The following KLHL4 variants were observed in gnomAD, a reference collection of about 807,000 sequenced individuals.
KLHL4 encodes kelch-like protein 4.
In KLHL4, 17 loss-of-function variants were observed where a neutral mutation model predicts 45.8. The observed-to-expected ratio is 0.37, with a 90% CI of 0.25 to 0.56. The LOEUF (loss-of-function observed/expected upper bound fraction) is 0.56, where lower values mean the gene tolerates loss of function less well. Ranked by LOEUF, KLHL4 falls within the 20% of genes least tolerant of loss-of-function variation. The pLI, the probability that KLHL4 is intolerant of heterozygous loss-of-function variation, is 0.79. For synonymous variants in KLHL4, 224 were observed against 189.9 expected (o/e 1.18, Z -1.47); for missense variants, 544 against 544.9 (o/e 1.00, Z 0.02).
chrX:87,625,901 G>A, intron 6 of KLHL4, 105 bp downstream of exon 6: 1 of 605,256 alleles, frequency 1.7e-6, no homozygotes, highest in Non-Finnish European at 2.5e-6. Flanking sequence ...CACCTAAAGT[G>A]AATTTTCATA....
intron 1 of KLHL4, among the ~76,000 whole-genome samples, chrX:87,593,658 T>A (rs1435370366): frequency 3.6e-5 from 4 of 111,293 alleles, no homozygotes. Flanking sequence ...TTTTGACACA[T>A]AATTTAATGT....
At chrX:87,541,189 T>C (rs775156151) in intron 1 of KLHL4, among the ~76,000 whole-genome samples, 5 of 109,509 alleles carry the variant, frequency 4.6e-5, no homozygotes, top group African/African-American at 1.7e-4. Context: ...TCTGATGGTT[T>C]AAAAGTGGCA....
At chrX:87,610,836 G>A (rs951938698) in intron 1 of KLHL4, among the ~76,000 whole-genome samples, 2 of 111,568 alleles carry the variant, frequency 1.8e-5, no homozygotes, top group Non-Finnish European at 3.8e-5. Flanking sequence ...CACTTTGGGA[G>A]GTTGAGGCTA....
intron 4 of KLHL4, among the ~76,000 whole-genome samples, chrX:87,621,492 TTA>T (rs1922747044): frequency 1.1e-5 from 1 of 94,506 alleles, no homozygotes; most frequent in African/African-American, 4.3e-5. Context: ...AAATTTATTA[TTA>T]TTTTTTTTGA....
intron 1 of KLHL4, among the ~76,000 whole-genome samples, chrX:87,560,491 A>AT (rs1260300222): frequency 7.2e-5 from 8 of 111,747 alleles, no homozygotes; most frequent in Non-Finnish European, 3.8e-5. Flanking sequence ...CTTTTAAGAA[A>AT]TTTTTAAGTG....
intron 10 of KLHL4, 133 bp downstream of exon 10, chrX:87,665,068 G>T: frequency 2.3e-6 from 1 of 426,603 alleles, no homozygotes; most frequent in Middle Eastern, 6.4e-4. Flanking sequence ...TATAGTATGT[G>T]CTCTATCTAT....
At chrX:87,574,551 C>A (rs1003542441) in intron 1 of KLHL4, among the ~76,000 whole-genome samples, 10 of 111,596 alleles carry the variant, frequency 9.0e-5, no homozygotes, top group African/African-American at 3.3e-4. Context: ...ATAGAATTCA[C>A]CTATTTAAAG....
At chrX:87,610,389 C>A (rs913569151) in intron 1 of KLHL4, among the ~76,000 whole-genome samples, 3 of 111,689 alleles carry the variant, frequency 2.7e-5, no homozygotes, top group Non-Finnish European at 5.6e-5. Context: ...AAAGTTAGGA[C>A]ACACACACAC....
At chrX:87,534,933 G>A (rs751338707) in intron 1 of KLHL4, among the ~76,000 whole-genome samples, 5 of 111,639 alleles carry the variant, frequency 4.5e-5, no homozygotes, top group South Asian at 3.7e-4. Context: ...AGCACTTGTC[G>A]GATCTTAATA....
intron 1 of KLHL4, among the ~76,000 whole-genome samples, chrX:87,565,967 T>TG (rs1456675950): frequency 7.3e-5 from 8 of 108,886 alleles, no homozygotes; most frequent in Non-Finnish European, 1.1e-4. Context: ...TGTTGAGGGG[T>TG]GGGGGGCGAG....
At chrX:87,611,152 T>G (rs1192879274) in intron 1 of KLHL4, among the ~76,000 whole-genome samples, 2 of 112,037 alleles carry the variant, frequency 1.8e-5, no homozygotes, top group East Asian at 5.6e-4. Flanking sequence ...AAACTGTTAA[T>G]GAATCTGAAA....
intron 1 of KLHL4, among the ~76,000 whole-genome samples, chrX:87,579,902 G>A (rs1477659802): frequency 1.8e-5 from 2 of 111,957 alleles, no homozygotes; most frequent in Non-Finnish European, 3.8e-5. Flanking sequence ...AAACTCATTG[G>A]TAAAGGTAAA....
intron 1 of KLHL4, among the ~76,000 whole-genome samples, chrX:87,551,958 A>G (rs1245450257): frequency 8.9e-6 from 1 of 111,992 alleles, no homozygotes; most frequent in African/African-American, 3.2e-5. Context: ...CTAGAAGTTA[A>G]CATAGGAAGA....
At chrX:87,564,280 A>C (rs1027352057) in intron 1 of KLHL4, among the ~76,000 whole-genome samples, 2 of 111,219 alleles carry the variant, frequency 1.8e-5, no homozygotes, top group African/African-American at 6.5e-5. Flanking sequence ...TAGAAATGAA[A>C]CAAGTTAAAA....
At chrX:87,633,645 T>C in intron 7 of KLHL4, 104 bp from the exon 8 acceptor site, 2 of 641,555 alleles carry the variant, frequency 3.1e-6, no homozygotes, top group Non-Finnish European at 4.6e-6. Context: ...AATCGTTTAA[T>C]AAGCAAAACA....
At chrX:87,523,172 G>A (rs1006770023) in intron 1 of KLHL4, among the ~76,000 whole-genome samples, 1 of 111,569 alleles carries the variant, frequency 9.0e-6, no homozygotes, top group African/African-American at 3.3e-5. Context: ...CAAATGTTCA[G>A]TCACTTTGTA....
At chrX:87,623,912 G>A (rs222068) in intron 5 of KLHL4, among the ~76,000 whole-genome samples, 41,634 of 110,362 alleles carry the variant, frequency 0.38, 6,028 homozygotes, top group Middle Eastern at 0.47. Flanking sequence ...AGATTCTCAG[G>A]CTGCCTTTGA....
Position 87,632,383 on chromosome X carries a change from G to A in KLHL4, c.1498G>A (p.Gly500Ser). ...TACAGTGGAATGTTTTAATCCAGTTGGCAAAATCTGGACTGTGATGCCTCC... is the reference window on the plus strand; with the variant it reads ...TACAGTGGAATGTTTTAATCCAGTTAGCAAAATCTGGACTGTGATGCCTCC... Reference protein sequence around the residue: ...LNTVECFNPVGKIWTVMPPMS... With the variant: ...LNTVECFNPVSKIWTVMPPMS... Residue 500 changes from glycine to serine, a missense_variant, in exon 7 of 11, where the codon GGC becomes AGC. Transcript: ENST00000373119. 3 of 1,209,968 alleles carry A rather than the reference G, an allele frequency of 2.5e-6. No individual in the cohort carries two copies. Among genetic ancestry groups the A allele is most frequent in the Non-Finnish European group, 3.4e-6 (3 of 894,077 alleles).
chrX:87,669,026 G>A lies in KLHL4; in HGVS notation c.*2492G>A. 1.2e-6 allele frequency: 1 copy of A among 843,249 alleles called. No individual in the cohort carries two copies. 69.5% of individuals were successfully genotyped at this position (843,249 alleles called of 1,213,427 possible). A position where few individuals can be genotyped will look rare whatever the true frequency, so the allele number is the denominator to read the frequency against. On this transcript the variant is annotated 3_prime_UTR_variant, in exon 11 of 11. Coordinates refer to ENST00000373119, the MANE Select transcript of KLHL4 (RefSeq NM_019117.5). Reference sequence around the variant, plus strand: ...AGGGCACTCAAACATAACTGTGCTTGTCTCAGTCAAACTTAATTGGGAAAA... The same window carrying A: ...AGGGCACTCAAACATAACTGTGCTTATCTCAGTCAAACTTAATTGGGAAAA...
Sources: gnomAD v4.1 joint callset for allele counts (sites outside exome capture counted in the v4.1 genomes callset) on GRCh38, gnomAD v4.1.1 for gene constraint, MANE v1.5 for transcripts, NCBI Gene and HGNC (gene_info 2026-07-23, HGNC 2026-07-21) for gene names.